The following NALF1 variants were observed in gnomAD, a reference collection of about 807,000 sequenced individuals.
NALF1 encodes the protein family with sequence similarity 155 member A.
Under a neutral mutation model 48.4 loss-of-function variants are expected in NALF1, and 3 were observed. The observed-to-expected ratio is 0.06, with a 90% CI of 0.03 to 0.16. The LOEUF is 0.16. Among genes scored for constraint, NALF1 ranks in the 10% least tolerant of loss-of-function variants. The pLI is 1.00. For synonymous variants in NALF1, 262 were observed against 245.7 expected (o/e 1.07, Z -0.62); for missense variants, 526 against 571.5 (o/e 0.92, Z 0.81).
At chr13:107,287,706 C>CTTT (rs59607599) in intron 1 of NALF1, among the ~76,000 whole-genome samples, 1,453 of 127,826 alleles carry the variant, frequency 0.011, 47 homozygotes, top group South Asian at 0.051. Context: ...TCTTTTCTTT[C>CTTT]TTTTTTTTTT....
rs76508913 is a variant in NALF1, at chr13:107,664,795, T to C, written c.915+200887A>G. 6.0e-4 allele frequency among the ~76,000 whole-genome samples: 92 copies of C among 152,290 alleles called. No homozygotes were observed. The East Asian group carries it at 0.017, about 28-fold the overall frequency. ...ATACTATACATTCATCCTTTTTTAA[T>C]TTGACCCAAGCACGTTTTTCTGTAA... On this transcript the variant is annotated intron_variant, in intron 1 of 2. Transcript: ENST00000375915.
intron 1 of NALF1, among the ~76,000 whole-genome samples, chr13:107,803,469 A>C (rs1298092770): frequency 6.6e-6 from 1 of 152,176 alleles, no homozygotes; most frequent in Non-Finnish European, 1.5e-5. Context: ...TTTAAAAAAA[A>C]TGGCATCATA....
chr13:107,184,693 C>T (rs1490197343), intron 2 of NALF1, among the ~76,000 whole-genome samples: 1 of 152,180 alleles, frequency 6.6e-6, no homozygotes, highest in Non-Finnish European at 1.5e-5. Flanking sequence ...TTTTTGTCCT[C>T]AAATTGTATT....
At chr13:107,471,453 G>A (rs1251458696) in intron 1 of NALF1, among the ~76,000 whole-genome samples, 1 of 152,110 alleles carries the variant, frequency 6.6e-6, no homozygotes, top group African/African-American at 2.4e-5. Context: ...GTAGGCAGGG[G>A]CAGCTGGTCA....
At chr13:107,400,647 T>A (rs1453984179) in intron 1 of NALF1, among the ~76,000 whole-genome samples, 4 of 152,064 alleles carry the variant, frequency 2.6e-5, no homozygotes, top group African/African-American at 9.7e-5. Flanking sequence ...GAGGTTGCAG[T>A]GAGCCAAGAT....
intron 1 of NALF1, among the ~76,000 whole-genome samples, chr13:107,662,754 C>T (rs1386537162): frequency 6.6e-6 from 1 of 152,124 alleles, no homozygotes; most frequent in Non-Finnish European, 1.5e-5. Context: ...TATTTATCTA[C>T]ATTTTCTAAT....
chr13:107,630,001 C>T (rs1879788668), intron 1 of NALF1, among the ~76,000 whole-genome samples: 2 of 152,090 alleles, frequency 1.3e-5, no homozygotes, highest in Admixed American at 1.3e-4. Context: ...GTCTATTTGT[C>T]TAATCTATCA....
chr13:107,631,337 G>A (rs991398185), intron 1 of NALF1, among the ~76,000 whole-genome samples: 26 of 152,142 alleles, frequency 1.7e-4, no homozygotes, highest in African/African-American at 5.8e-4. Flanking sequence ...CGACTGTGTA[G>A]GGGTGGCTCC....
intron 2 of NALF1, among the ~76,000 whole-genome samples, chr13:107,178,694 A>G (rs1878991784): frequency 6.6e-6 from 1 of 152,186 alleles, no homozygotes; most frequent in African/African-American, 2.4e-5. Flanking sequence ...ACCTAATCCC[A>G]GCACTTTGGC....
At chr13:107,752,183 A>G (rs974774498) in intron 1 of NALF1, among the ~76,000 whole-genome samples, 6 of 152,040 alleles carry the variant, frequency 3.9e-5, no homozygotes, top group Admixed American at 1.3e-4. Context: ...ACACAATAGT[A>G]TTTTCCTTTC....
chr13:107,325,277 T>C (rs1882329844), intron 1 of NALF1, among the ~76,000 whole-genome samples: 1 of 152,124 alleles, frequency 6.6e-6, no homozygotes, highest in African/African-American at 2.4e-5. Context: ...AATCATATAA[T>C]GGCCTGAAAT....
chr13:107,374,533 C>A (rs1395544399), intron 1 of NALF1, among the ~76,000 whole-genome samples: 1 of 152,136 alleles, frequency 6.6e-6, no homozygotes, highest in Admixed American at 6.6e-5. Context: ...TGAAAAGACA[C>A]ATTTTATAAT....
intron 2 of NALF1, among the ~76,000 whole-genome samples, chr13:107,191,336 A>G (rs776249700): frequency 1.3e-5 from 2 of 152,194 alleles, no homozygotes; most frequent in South Asian, 2.1e-4. Context: ...AAATAACAGA[A>G]TTTAACACTC....
intron 1 of NALF1, among the ~76,000 whole-genome samples, chr13:107,544,492 A>T (rs1877082775): frequency 6.6e-6 from 1 of 152,228 alleles, no homozygotes; most frequent in South Asian, 2.1e-4. Flanking sequence ...GAGACAAAAT[A>T]GAAGCATGAG....
At chr13:107,757,532 G>C (rs1306974914) in intron 1 of NALF1, among the ~76,000 whole-genome samples, 1 of 149,970 alleles carries the variant, frequency 6.7e-6, no homozygotes, top group African/African-American at 2.5e-5. Context: ...CAGTTTGATA[G>C]ACAGTAAGGA....
intron 1 of NALF1, among the ~76,000 whole-genome samples, chr13:107,257,833 C>A (rs1044534512): frequency 6.6e-6 from 1 of 152,146 alleles, no homozygotes. Context: ...AGCTTCAGAG[C>A]TTTCCTGTGG....
intron 1 of NALF1, among the ~76,000 whole-genome samples, chr13:107,416,955 T>C (rs1478554181): frequency 6.6e-6 from 1 of 152,194 alleles, no homozygotes; most frequent in Non-Finnish European, 1.5e-5. Flanking sequence ...TGGAATTGAC[T>C]TCCCCTCTCC....
intron 1 of NALF1, among the ~76,000 whole-genome samples, chr13:107,401,404 C>T (rs1188681123): frequency 1.3e-5 from 2 of 152,138 alleles, no homozygotes; most frequent in African/African-American, 4.8e-5. Context: ...GAAATCTTTG[C>T]AGAACATGGA....
chr13:107,830,570 T>C (rs900406663), intron 1 of NALF1, among the ~76,000 whole-genome samples: 5 of 152,228 alleles, frequency 3.3e-5, no homozygotes, highest in African/African-American at 1.2e-4. Flanking sequence ...TTTGGCCATT[T>C]GTGTATCTTT....
Sources: allele counts gnomAD v4.1 joint callset (sites outside exome capture counted in the v4.1 genomes callset), GRCh38; gene constraint gnomAD v4.1.1; transcripts MANE v1.5; gene names NCBI Gene and HGNC (gene_info 2026-07-23, HGNC 2026-07-21).